OSBPL1A: variants seen among roughly 807,000 people sequenced by gnomAD.
OSBPL1A encodes the protein oxysterol binding protein like 1A.
In OSBPL1A, 80 loss-of-function variants were observed where a neutral mutation model predicts 137.1. That is an observed-to-expected ratio of 0.58 (90% CI 0.49 to 0.70). OSBPL1A has a LOEUF of 0.70. Ranked by LOEUF, OSBPL1A falls within the 30% of genes least tolerant of loss-of-function variation. The pLI is 0.00. For synonymous variants in OSBPL1A, 365 were observed against 389.7 expected (o/e 0.94, Z 0.75); for missense variants, 970 against 1,129.4 (o/e 0.86, Z 2.02).
At chr18:24,250,916 T>C (rs192023297) in intron 15 of OSBPL1A, among the ~76,000 whole-genome samples, 4 of 152,248 alleles carry the variant, frequency 2.6e-5, no homozygotes, top group Admixed American at 2.0e-4. Context: ...GCATTCACCA[T>C]AAGCTGATGA....
intron 16 of OSBPL1A, among the ~76,000 whole-genome samples, chr18:24,232,300 T>A (rs1198040956): frequency 6.6e-6 from 1 of 152,106 alleles, no homozygotes; most frequent in Non-Finnish European, 1.5e-5. Flanking sequence ...CTGCAATAAT[T>A]TACTAAGGAA....
intron 15 of OSBPL1A, among the ~76,000 whole-genome samples, chr18:24,258,144 T>C (rs2089337283): frequency 6.6e-6 from 1 of 152,178 alleles, no homozygotes; most frequent in Non-Finnish European, 1.5e-5. Context: ...GGAAAAGCAG[T>C]ATACGGAAGA....
intron 15 of OSBPL1A, among the ~76,000 whole-genome samples, chr18:24,249,033 A>AT (rs1369751018): frequency 6.6e-6 from 1 of 152,226 alleles, no homozygotes; most frequent in African/African-American, 2.4e-5. Flanking sequence ...TTCAATACAC[A>AT]TTTACTCCAA....
At chr18:24,368,478 AT>A in intron 2 of OSBPL1A, 106 bp from the exon 3 acceptor site, 1 of 811,392 alleles carries the variant, frequency 1.2e-6, no homozygotes, top group Non-Finnish European at 2.1e-6. Context: ...TTTGCAATGC[AT>A]TGCTGATAAG....
At position 24,177,918 on chromosome 18, in the gene OSBPL1A, T is replaced by C. The variant is rs922582495; in HGVS notation, c.2093+95A>G. ...ACTGTATGAAAGCTGTTTCTTTTTC[T>C]CCAGCTTTTGAACAGTAAGGTCAGC... On this transcript the variant is annotated intron_variant, in intron 21 of 27. Transcript: ENST00000319481. The C allele has an allele frequency of 2.4e-6, 3 of 1,238,890 alleles. No homozygotes were observed. In the African/African-American group the frequency reaches 4.5e-5, roughly 19 times the overall value. The allele number at this position is 1,238,890 out of a possible 1,614,324, so 76.7% of individuals were successfully genotyped here. A position where few individuals can be genotyped will look rare whatever the true frequency, so the allele number is the denominator to read the frequency against.
At chr18:24,261,759 G>C (rs1237311317) in intron 15 of OSBPL1A, among the ~76,000 whole-genome samples, 1 of 152,086 alleles carries the variant, frequency 6.6e-6, no homozygotes, top group Non-Finnish European at 1.5e-5. Context: ...TCTGACCCAG[G>C]GAAGTTAAGG....
rs1443967277 is a variant in OSBPL1A, at chr18:24,170,372, T to G, written c.2373A>C (p.Lys791Asn). The change falls in exon 24 of 28, where the codon AAA becomes AAC. Residue 791 changes from lysine (K) to asparagine (N), a missense_variant. Lys to Asn is a moderately conservative substitution (Grantham distance 94). Coordinates refer to ENST00000319481, the MANE Select transcript of OSBPL1A (RefSeq NM_080597.4). ...CTTCTGTATTTTTCTTATCATTTTT[T>G]TTGTAAGCGTCAAACGTGGCAGGGT... is the stretch of plus-strand genomic sequence containing the variant. ...SVDPATFDAY[K>N]KNDKKNTEEK... 1 of 1,614,092 alleles carries G rather than the reference T, an allele frequency of 6.2e-7. No individual in the cohort carries two copies. The highest frequency in any genetic ancestry group is 8.5e-7 in the Non-Finnish European group (1 of 1,180,036).
intron 17 of OSBPL1A, among the ~76,000 whole-genome samples, chr18:24,201,939 G>A: frequency 6.6e-6 from 1 of 152,128 alleles, no homozygotes; most frequent in Non-Finnish European, 1.5e-5. Context: ...CTGAAAAAAA[G>A]AACAAGATGA....
At chr18:24,199,851 C>A (rs1390539957) in intron 17 of OSBPL1A, among the ~76,000 whole-genome samples, 1 of 152,144 alleles carries the variant, frequency 6.6e-6, no homozygotes, top group Non-Finnish European at 1.5e-5. Context: ...CCCAGCTCGA[C>A]CAAGGATGCT....
chr18:24,387,890 GCAGTTTCCCTGTT>G (rs1907049697), intron 1 of OSBPL1A, among the ~76,000 whole-genome samples: 1 of 151,914 alleles, frequency 6.6e-6, no homozygotes, highest in Non-Finnish European at 1.5e-5. Context: ...ACCAGAAGCT[GCAGTTTCCCTGTT>G]GCCACCAGGC....
intron 14 of OSBPL1A, 134 bp from the exon 15 acceptor site, chr18:24,281,082 C>CT: frequency 1.8e-6 from 1 of 543,206 alleles, no homozygotes; most frequent in South Asian, 3.1e-5. Flanking sequence ...TATCATGTTT[C>CT]TTTTCTTTTT....
intron 2 of OSBPL1A, among the ~76,000 whole-genome samples, chr18:24,372,996 G>C (rs1905787007): frequency 6.6e-6 from 1 of 152,112 alleles, no homozygotes; most frequent in African/African-American, 2.4e-5. Context: ...CCCAAGAGGA[G>C]GTGGAGGTTG....
intron 4 of OSBPL1A, among the ~76,000 whole-genome samples, chr18:24,355,732 C>T (rs546408058): frequency 3.9e-4 from 60 of 152,102 alleles, no homozygotes; most frequent in African/African-American, 1.2e-3. Context: ...CGCTTGTAAA[C>T]CCAGCACTTT....
chr18:24,244,411 T>C (rs2088820354), intron 15 of OSBPL1A, among the ~76,000 whole-genome samples: 1 of 152,236 alleles, frequency 6.6e-6, no homozygotes, highest in Non-Finnish European at 1.5e-5. Flanking sequence ...ATTAGAACTT[T>C]TCTAGAATAA....
chr18:24,303,732 A>C lies in OSBPL1A; in HGVS notation c.1093-14T>G. 1.9e-6 allele frequency: 3 copies of C among 1,604,310 alleles called. No homozygotes were observed. Among genetic ancestry groups the C allele is most frequent in the Non-Finnish European group, 2.6e-6 (3 of 1,172,766 alleles). On this transcript the variant is annotated splice_polypyrimidine_tract_variant and intron_variant, in intron 13 of 27. Transcript: ENST00000319481. ...TGACTGTGCTTTCTGCAAAAAAAGA[A>C]AAGACAAAATTAAAACAAAGTAATA...
chr18:24,172,109 T>G (rs1432627340), intron 22 of OSBPL1A, among the ~76,000 whole-genome samples: 2 of 151,984 alleles, frequency 1.3e-5, no homozygotes, highest in Non-Finnish European at 2.9e-5. Flanking sequence ...CCCGGCTAAT[T>G]TTTGTATTTT....
intron 1 of OSBPL1A, among the ~76,000 whole-genome samples, chr18:24,387,267 G>A (rs1907013751): frequency 6.6e-6 from 1 of 151,862 alleles, no homozygotes; most frequent in Non-Finnish European, 1.5e-5. Context: ...TGTTGCCCAT[G>A]CTGGTCTTGA....
At position 24,379,515 on chromosome 18, in the gene OSBPL1A, G is replaced by T. The variant is rs574126657; in HGVS notation, c.-2-1980C>A. ...AGCCTGGGTGACAGAGTGAGACTTGGTCTCAAAAAAAAAAAAAAGAATGTT... is the reference window on the plus strand; with the variant it reads ...AGCCTGGGTGACAGAGTGAGACTTGTTCTCAAAAAAAAAAAAAAGAATGTT... On this transcript the variant is annotated intron_variant, in intron 1 of 27. Transcript: ENST00000319481. Among the ~76,000 whole-genome samples the T allele has an allele frequency of 1.5e-4, 22 of 146,470 alleles. No individual in the cohort carries two copies. In the South Asian group the frequency reaches 2.0e-3, roughly 13 times the overall value.
intron 18 of OSBPL1A, chr18:24,195,852 G>A (rs186638464): frequency 5.0e-6 from 2 of 401,132 alleles, no homozygotes; most frequent in African/African-American, 4.1e-5. Flanking sequence ...GTAAGTCTAT[G>A]GGGCAATATA....
Sources: allele counts gnomAD v4.1 joint callset (sites outside exome capture counted in the v4.1 genomes callset), GRCh38; gene constraint gnomAD v4.1.1; transcripts MANE v1.5; gene names NCBI Gene and HGNC (gene_info 2026-07-23, HGNC 2026-07-21).